MYO9A: variants seen among roughly 807,000 people sequenced by gnomAD.
MYO9A encodes myosin IXA, also known as unconventional myosin-IXa.
Under a neutral mutation model 293.3 loss-of-function variants are expected in MYO9A, and 103 were observed. That is an observed-to-expected ratio of 0.35 (90% CI 0.30 to 0.41). The LOEUF (loss-of-function observed/expected upper bound fraction) is 0.41, where lower values mean the gene tolerates loss of function less well. MYO9A is among the 10% of genes least tolerant of loss of function. The pLI, the probability that MYO9A is intolerant of heterozygous loss-of-function variation, is 1.00. For synonymous variants in MYO9A, 1,001 were observed against 1,035.7 expected (o/e 0.97, Z 0.64); for missense variants, 2,685 against 3,033.0 (o/e 0.89, Z 2.69).
intron 11 of MYO9A, among the ~76,000 whole-genome samples, chr15:71,990,725 C>A (rs1050440003): frequency 6.7e-6 from 1 of 150,340 alleles, no homozygotes; most frequent in African/African-American, 2.5e-5. Context: ...CCACTGCACT[C>A]CAGCCTGGGC....
At chr15:71,893,395 A>G in intron 26 of MYO9A, 1 of 450,958 alleles carries the variant, frequency 2.2e-6, no homozygotes, top group Non-Finnish European at 4.0e-6. Flanking sequence ...CTAAATCTAC[A>G]CTGTTCTACA....
intron 1 of MYO9A, among the ~76,000 whole-genome samples, chr15:72,057,526 C>A (rs2078755633): frequency 1.3e-5 from 2 of 152,268 alleles, no homozygotes; most frequent in Admixed American, 1.3e-4. Flanking sequence ...ACCTCATTCC[C>A]CAGATAAGGG....
chr15:72,083,763 A>G (rs2079624131), intron 1 of MYO9A, among the ~76,000 whole-genome samples: 1 of 152,208 alleles, frequency 6.6e-6, no homozygotes, highest in African/African-American at 2.4e-5. Flanking sequence ...TGGTTTACCC[A>G]AAAGTCAGAA....
chr15:71,851,860 G>GTT (rs971760672), intron 36 of MYO9A, among the ~76,000 whole-genome samples: 2 of 152,108 alleles, frequency 1.3e-5, no homozygotes, highest in Non-Finnish European at 2.9e-5. Flanking sequence ...ATTTTAATCT[G>GTT]TTTTATAACC....
At chr15:71,916,308 C>T (rs913518295) in intron 19 of MYO9A, 62 bp downstream of exon 19, 24 of 1,565,416 alleles carry the variant, frequency 1.5e-5, no homozygotes, top group Middle Eastern at 3.4e-4. Context: ...ATCACTTTAA[C>T]CTTTCAATGA....
intron 18 of MYO9A, among the ~76,000 whole-genome samples, chr15:71,924,964 A>C (rs1251920783): frequency 6.6e-6 from 1 of 152,022 alleles, no homozygotes; most frequent in Non-Finnish European, 1.5e-5. Flanking sequence ...GTATTCTACA[A>C]CTGCTGGGCA....
chr15:71,943,746 C>T (rs1033879893), intron 15 of MYO9A, among the ~76,000 whole-genome samples: 1 of 152,166 alleles, frequency 6.6e-6, no homozygotes, highest in South Asian at 2.1e-4. Flanking sequence ...CACAGATTGG[C>T]TTGTATTGAC....
In MYO9A at chr15:71,991,206, C is replaced by A; in HGVS notation, c.1619G>T (p.Gly540Val). 1.2e-6 allele frequency: 2 copies of A among 1,604,196 alleles called. No homozygotes were observed. The highest frequency in any genetic ancestry group is 1.7e-6 in the Non-Finnish European group (2 of 1,175,146). Reference sequence around the variant, plus strand: ...GCTGTTATTTTCATAATCTTCAAACCCAAAAATATCAAGAACACCAATAGA... The same window carrying A: ...GCTGTTATTTTCATAATCTTCAAACACAAAAATATCAAGAACACCAATAGA... ...TLSIGVLDIF[G>V]FEDYENNSFE... Residue 540 changes from glycine to valine, a missense_variant, in exon 11 of 42, where the codon GGG becomes GTG. Around this residue, in one of 10 missense-constraint regions of MYO9A, gnomAD observed 201 missense variants for 245.2 expected, o/e 0.82. Transcript: ENST00000356056.
intron 1 of MYO9A, among the ~76,000 whole-genome samples, chr15:72,072,905 A>T (rs1044404619): frequency 6.6e-6 from 1 of 151,536 alleles, no homozygotes; most frequent in South Asian, 2.1e-4. Flanking sequence ...AATTTAAAAT[A>T]AAAAAAAAGA....
chr15:71,844,766 G>T (rs1474079637), intron 39 of MYO9A, among the ~76,000 whole-genome samples: 1 of 152,122 alleles, frequency 6.6e-6, no homozygotes, highest in Admixed American at 6.5e-5. Flanking sequence ...ACTATAAATC[G>T]AAGTAAGCCT....
chr15:71,953,375 T>C (rs2059099448), intron 14 of MYO9A, among the ~76,000 whole-genome samples: 1 of 152,208 alleles, frequency 6.6e-6, no homozygotes, highest in Admixed American at 6.5e-5. Flanking sequence ...TCCATTCAAA[T>C]TGTAAATTGA....
chr15:71,931,946 G>A (rs1236410670), intron 18 of MYO9A, among the ~76,000 whole-genome samples: 1 of 151,576 alleles, frequency 6.6e-6, no homozygotes, highest in Non-Finnish European at 1.5e-5. Context: ...ATTAGGATGT[G>A]CCAAGTTCCG....
At position 71,934,792 on chromosome 15, in the gene MYO9A, T is replaced by C. The variant is rs1481439627; in HGVS notation, c.2522+549A>G. On this transcript the variant is annotated intron_variant, in intron 17 of 41. Transcript: ENST00000356056. Reference sequence around the variant, plus strand: ...ATTTTTTTTCTTTTCTTTTCTTTTTTTTTTTTTTTTTTTTTTTTTGGAGAG... The same window carrying C: ...ATTTTTTTTCTTTTCTTTTCTTTTTCTTTTTTTTTTTTTTTTTTTGGAGAG... Among the ~76,000 whole-genome samples, 446 of 137,172 alleles carry C rather than the reference T, an allele frequency of 3.3e-3. 1 individual carries two copies. The highest frequency in any genetic ancestry group is 7.2e-3 in the Middle Eastern group (2 of 278). 90.0% of individuals were successfully genotyped at this position (137,172 alleles called of 152,430 possible). A position where few individuals can be genotyped will look rare whatever the true frequency, so the allele number is the denominator to read the frequency against.
At position 72,045,875 on chromosome 15, in the gene MYO9A, T is replaced by C; in HGVS notation, c.689A>G (p.Lys230Arg). The C allele has an allele frequency of 1.2e-6, 2 of 1,614,150 alleles. No individual in the cohort carries two copies. Among genetic ancestry groups the C allele is most frequent in the Non-Finnish European group, 1.7e-6 (2 of 1,180,036 alleles). The stretch of plus-strand genomic sequence containing the variant: ...TGAAATCACGATGCACTGATTCTTT[T>C]TGCGCTGAAGCATGGCATGATAAGC... ...DVAYHAMLQR[K>R]KNQCIVISGE... Residue 230 changes from lysine (K) to arginine (R), a missense_variant, in exon 2 of 42, where the codon AAA becomes AGA. By Grantham distance (26) the Lys-to-Arg change is conservative. This residue lies in a region of MYO9A where 289 missense variants were observed against 456.8 expected (regional missense o/e 0.63). Coordinates refer to ENST00000356056, the MANE Select transcript of MYO9A (RefSeq NM_006901.4).
intron 1 of MYO9A, among the ~76,000 whole-genome samples, chr15:72,053,631 A>G (rs976924773): frequency 9.9e-5 from 15 of 152,274 alleles, no homozygotes; most frequent in Non-Finnish European, 1.5e-5. Flanking sequence ...GAAGGGAGCA[A>G]TAGACACAAG....
rs369440722 is a variant in MYO9A, at chr15:72,078,998, T to C, written c.-71-32364A>G. Reference sequence around the variant, plus strand: ...AGGATGAAAAGGTAAAAGCATGAGATTTTTAAGGCAGTGAAACTATTCTCT... The same window carrying C: ...AGGATGAAAAGGTAAAAGCATGAGACTTTTAAGGCAGTGAAACTATTCTCT... On this transcript the variant is annotated intron_variant, in intron 1 of 41. Coordinates refer to ENST00000356056, the MANE Select transcript of MYO9A (RefSeq NM_006901.4). 1.4e-4 allele frequency among the ~76,000 whole-genome samples: 22 copies of C among 152,264 alleles called. No homozygotes were observed. In the East Asian group the frequency reaches 3.5e-3, roughly 24 times the overall value.
At chr15:71,884,503 T>C (rs1404330853) in intron 27 of MYO9A, among the ~76,000 whole-genome samples, 1 of 152,164 alleles carries the variant, frequency 6.6e-6, no homozygotes, top group Non-Finnish European at 1.5e-5. Flanking sequence ...ACTATAAATA[T>C]GTTACAGGTG....
chr15:71,883,715 T>A lies in MYO9A; in HGVS notation c.5277A>T (p.Arg1759Ser). The change falls in exon 28 of 42, where the codon AGA becomes AGT. Residue 1759 changes from arginine to serine, a missense_variant. Coordinates refer to ENST00000356056, the MANE Select transcript of MYO9A (RefSeq NM_006901.4). Reference sequence around the variant, plus strand: ...CCCCTTGTTTCCCTTTGGCCCAGAATCTCATCTTAGCTCTCTGAGGTCTGT... The same window carrying A: ...CCCCTTGTTTCCCTTTGGCCCAGAAACTCATCTTAGCTCTCTGAGGTCTGT... ...SDIRPQRAKM[R>S]FWAKGKQGEK... is the part of the protein sequence containing the mutation. 6.2e-7 allele frequency: 1 copy of A among 1,612,930 alleles called. No individual in the cohort carries two copies. Among genetic ancestry groups the A allele is most frequent in the South Asian group, 1.1e-5 (1 of 90,896 alleles).
At chr15:71,893,221 G>A in intron 26 of MYO9A, 1 of 1,216,848 alleles carries the variant, frequency 8.2e-7, no homozygotes, top group Non-Finnish European at 1.0e-6. Context: ...CAATGTTTGG[G>A]GTTTTTGTTC....
Sources: gnomAD v4.1 joint callset for allele counts (sites outside exome capture counted in the v4.1 genomes callset) on GRCh38, gnomAD v4.1.1 for gene constraint, gnomAD v4.1.1 regional missense constraint, MANE v1.5 for transcripts, NCBI Gene and HGNC (gene_info 2026-07-23, HGNC 2026-07-21) for gene names.